The following PPP2R3C variants were observed in gnomAD, a reference collection of about 807,000 sequenced individuals.
The protein encoded by PPP2R3C is protein phosphatase 2 regulatory subunit B''gamma.
Under a neutral mutation model 63.7 loss-of-function variants are expected in PPP2R3C, and 47 were observed. That is an observed-to-expected ratio of 0.74 (90% CI 0.58 to 0.94). The LOEUF (loss-of-function observed/expected upper bound fraction) is 0.94, where lower values mean the gene tolerates loss of function less well. Ranked by LOEUF, PPP2R3C falls within the 40% of genes least tolerant of loss-of-function variation. The pLI, the probability that PPP2R3C is intolerant of heterozygous loss-of-function variation, is 0.00. For synonymous variants in PPP2R3C, 180 were observed against 177.4 expected, an observed-to-expected ratio of 1.01 and a Z score of -0.12; for missense variants, 421 against 518.4, an observed-to-expected ratio of 0.81 and a Z score of 1.82.
In PPP2R3C at chr14:35,085,485, C is replaced by A. The variant is rs2045560494; in HGVS notation, c.*105G>T. The A allele has an allele frequency of 2.3e-5, 24 of 1,021,874 alleles. No individual in the cohort carries two copies. The highest frequency in any genetic ancestry group is 3.1e-5 in the Non-Finnish European group (23 of 731,764). The allele number at this position is 1,021,874 out of a possible 1,614,324, so 63.3% of individuals were successfully genotyped here. On this transcript the variant is annotated 3_prime_UTR_variant, in exon 13 of 13. Coordinates refer to ENST00000261475, the MANE Select transcript of PPP2R3C (RefSeq NM_017917.4). ...CAAAACATTTGCTGTGTTCTCTAGG[C>A]ATATCAAGTGTTTTATTTAGACCAT...
chr14:35,095,722 C>T (rs1366797567), intron 9 of PPP2R3C, among the ~76,000 whole-genome samples: 22 of 150,526 alleles, frequency 1.5e-4, no homozygotes, highest in African/African-American at 3.4e-4. Context: ...TGGTGGCGAG[C>T]GCCTGTAATC....
chr14:35,089,756 C>T (rs1455509920), intron 11 of PPP2R3C, among the ~76,000 whole-genome samples: 1 of 152,114 alleles, frequency 6.6e-6, no homozygotes, highest in Non-Finnish European at 1.5e-5. Context: ...AGCTCTGCCT[C>T]CTGGGTTCAT....
At chr14:35,110,070 C>T in intron 3 of PPP2R3C, 139 bp from the exon 4 acceptor site, 1 of 601,366 alleles carries the variant, frequency 1.7e-6, no homozygotes, top group Non-Finnish European at 2.8e-6. Flanking sequence ...CCCTATTATC[C>T]TTTTGATTAC....
At chr14:35,085,840 T>G (rs1456548427) in intron 12 of PPP2R3C, 62 bp from the exon 13 acceptor site, 1 of 1,385,806 alleles carries the variant, frequency 7.2e-7, no homozygotes, top group Non-Finnish European at 9.8e-7. Context: ...CACATAGTGA[T>G]CCAAAATTCA....
At chr14:35,102,527 A>G (rs2046231345) in intron 6 of PPP2R3C, 1 of 152,152 alleles carries the variant, frequency 6.6e-6, no homozygotes, top group Non-Finnish European at 1.5e-5. Flanking sequence ...CAAAATAAAA[A>G]TTTAAGACTT....
intron 4 of PPP2R3C, 62 bp downstream of exon 4, chr14:35,109,757 A>G (rs183435327): frequency 6.4e-5 from 85 of 1,329,768 alleles, no homozygotes; most frequent in East Asian, 3.3e-4. Context: ...TGCCCAGCCA[A>G]TATTTGAGGC....
chr14:35,117,112 G>C (rs2046731617), intron 1 of PPP2R3C: 1 of 455,834 alleles, frequency 2.2e-6, no homozygotes, highest in African/African-American at 2.0e-5. Flanking sequence ...GGAATGAGGG[G>C]TGAGCAAGAC....
intron 12 of PPP2R3C, chr14:35,086,642 C>T (rs142211974): frequency 2.0e-5 from 3 of 152,572 alleles, no homozygotes; most frequent in East Asian, 1.9e-4. Flanking sequence ...GGATTACAGG[C>T]GTGTGCCACC....
chr14:35,113,118 C>A (rs914807295), intron 2 of PPP2R3C: 27 of 152,300 alleles, frequency 1.8e-4, no homozygotes, highest in African/African-American at 5.1e-4. Context: ...CAGAATAAAT[C>A]TCTTCAAATA....
intron 6 of PPP2R3C, chr14:35,100,545 A>C (rs1017213790): frequency 6.6e-6 from 1 of 152,222 alleles, no homozygotes; most frequent in East Asian, 1.9e-4. Flanking sequence ...CGAAACAGCA[A>C]CATTTGTCAG....
chr14:35,096,143 C>G (rs1193501707), intron 9 of PPP2R3C, among the ~76,000 whole-genome samples: 2 of 151,910 alleles, frequency 1.3e-5, no homozygotes, highest in African/African-American at 2.4e-5. Flanking sequence ...GAGTTTGAAA[C>G]CAGCCTGGGC....
chr14:35,115,065 C>T (rs998705039), intron 2 of PPP2R3C, among the ~76,000 whole-genome samples: 1 of 151,594 alleles, frequency 6.6e-6, no homozygotes, highest in African/African-American at 2.4e-5. Context: ...AACTGCTGAG[C>T]TTAAGAGATT....
chr14:35,099,180 T>C (rs1329903674), intron 7 of PPP2R3C, 72 bp downstream of exon 7: 2 of 1,396,638 alleles, frequency 1.4e-6, no homozygotes, highest in Non-Finnish European at 9.4e-7. Flanking sequence ...TTTCAAGAGT[T>C]TTCTCTAGTT....
intron 6 of PPP2R3C, among the ~76,000 whole-genome samples, chr14:35,105,258 C>G (rs1483517280): frequency 6.6e-6 from 1 of 151,940 alleles, no homozygotes; most frequent in East Asian, 1.9e-4. Context: ...TCTAGGCTCA[C>G]TGCAACCTCC....
rs186307712 is a variant in PPP2R3C at position 35,093,335 on chromosome 14, T to C, written c.975+1713A>G. Among the ~76,000 whole-genome samples, 79 of 152,236 alleles carry C rather than the reference T, an allele frequency of 5.2e-4. 1 individual carries two copies. Among genetic ancestry groups the C allele is most frequent in the Admixed American group, 5.2e-3 (79 of 15,286 alleles). The stretch of plus-strand genomic sequence containing the variant: ...TAAAAATTTTATATTCTTAGAAAAG[T>C]TCCTTTCTGCATAAATAGCACTAAA... On this transcript the variant is annotated intron_variant, in intron 10 of 12. Transcript: ENST00000261475.
rs181294681 is a variant in PPP2R3C at position 35,121,806 on chromosome 14, A to G, written c.58+96T>C. Reference sequence around the variant, plus strand: ...GTCGGGAGGTTTCACAGAAGCGGAAAAGGCGGCTCCCCCTTGCTCCTCCTC... The same window carrying G: ...GTCGGGAGGTTTCACAGAAGCGGAAGAGGCGGCTCCCCCTTGCTCCTCCTC... On this transcript the variant is annotated intron_variant, in intron 1 of 12. Transcript: ENST00000261475. The G allele has an allele frequency of 2.8e-4, 382 of 1,370,810 alleles. 1 individual carries two copies. In the African/African-American group the frequency reaches 5.0e-3, roughly 18 times the overall value. The allele number at this position is 1,370,810 out of a possible 1,614,324, so 84.9% of individuals were successfully genotyped here.
chr14:35,115,873 T>C (rs978910470), intron 2 of PPP2R3C, among the ~76,000 whole-genome samples: 1 of 151,994 alleles, frequency 6.6e-6, no homozygotes, highest in African/African-American at 2.4e-5. Flanking sequence ...ACCACCCACC[T>C]TGGCCTCCCA....
chr14:35,093,513 C>T (rs182045320), intron 10 of PPP2R3C, among the ~76,000 whole-genome samples: 142 of 152,056 alleles, frequency 9.3e-4, no homozygotes, highest in African/African-American at 3.3e-3. Flanking sequence ...TGTGCCTTTT[C>T]CCCTCTTTTC....
chr14:35,108,195 G>A lies in PPP2R3C; in HGVS notation c.446C>T (p.Thr149Ile), dbSNP rs574594174. The part of the protein sequence containing the change: ...TAKVFAKLLH[T>I]DSYGRISIMQ... ...GATGGAAATTCTTCCATATGAATCT[G>A]TATGAAGGAGTTTAGCAAAGACTTT... is the stretch of plus-strand genomic sequence containing the variant. Residue 149 changes from threonine to isoleucine, a missense_variant, in exon 5 of 13, where the codon ACA becomes ATA. Physicochemically the swap from Thr to Ile is moderately conservative, Grantham distance 89. This residue lies in a region of PPP2R3C where 47 missense variants were observed against 102.3 expected (regional missense o/e 0.46). Coordinates refer to ENST00000261475, the MANE Select transcript of PPP2R3C (RefSeq NM_017917.4). The A allele has an allele frequency of 9.4e-6, 15 of 1,591,628 alleles. No individual in the cohort carries two copies. The highest frequency in any genetic ancestry group is 2.3e-5 in the East Asian group (1 of 44,110).
Sources: gnomAD v4.1 joint callset for allele counts (sites outside exome capture counted in the v4.1 genomes callset) on GRCh38, gnomAD v4.1.1 for gene constraint, gnomAD v4.1.1 regional missense constraint, MANE v1.5 for transcripts, NCBI Gene and HGNC (gene_info 2026-07-23, HGNC 2026-07-21) for gene names.